ENTREP2: variants seen among roughly 807,000 people sequenced by gnomAD.
ENTREP2 encodes endosomal transmembrane epsin interactor 2, also known as protein ENTREP2.
chr15:29,625,250 G>C, the ENTREP2 span, among the ~76,000 whole-genome samples: 1 of 152,124 alleles, frequency 6.6e-6, no homozygotes. Flanking sequence ...GGATGAACCA[G>C]TTTGTTCAAC....
At chr15:29,591,529 T>A in the ENTREP2 span, among the ~76,000 whole-genome samples, 1 of 152,106 alleles carries the variant, frequency 6.6e-6, no homozygotes, top group Admixed American at 6.6e-5. Context: ...TGAAATAGGA[T>A]CTTTGCAGAT....
At chr15:29,352,127 G>A in the ENTREP2 span, among the ~76,000 whole-genome samples, 1 of 152,100 alleles carries the variant, frequency 6.6e-6, no homozygotes, top group Admixed American at 6.5e-5. Context: ...TAGTGATGTG[G>A]TCTCACTATG....
chr15:29,518,330 CT>C, the ENTREP2 span, among the ~76,000 whole-genome samples: 910 of 152,258 alleles, frequency 6.0e-3, 11 homozygotes, highest in African/African-American at 0.021. Flanking sequence ...TCCTGCATAA[CT>C]GATACTTAGT....
At chr15:29,374,213 T>C in the ENTREP2 span, 5 of 152,306 alleles carry the variant, frequency 3.3e-5, no homozygotes, top group African/African-American at 1.2e-4. Flanking sequence ...GAAATTCAAA[T>C]AGGTAATGGA....
At chr15:29,361,304 A>ATGGGTACT in the ENTREP2 span, among the ~76,000 whole-genome samples, 1 of 152,222 alleles carries the variant, frequency 6.6e-6, no homozygotes, top group South Asian at 2.1e-4. Context: ...CCCTTGTATT[A>ATGGGTACT]TGCTACCCAA....
the ENTREP2 span, among the ~76,000 whole-genome samples, chr15:29,541,973 G>T: frequency 2.0e-5 from 3 of 152,150 alleles, no homozygotes; most frequent in South Asian, 2.1e-4. Flanking sequence ...AAGTGGTAGG[G>T]TTTACTCTAT....
At chr15:29,605,579 G>A in the ENTREP2 span, among the ~76,000 whole-genome samples, 3 of 152,278 alleles carry the variant, frequency 2.0e-5, 1 homozygote, top group Middle Eastern at 6.8e-3. Context: ...GCACATGCCT[G>A]TAATCCCAGC....
At chr15:29,270,518 G>T in the ENTREP2 span, among the ~76,000 whole-genome samples, 1 of 152,230 alleles carries the variant, frequency 6.6e-6, no homozygotes, top group Non-Finnish European at 1.5e-5. Flanking sequence ...AATTTTAGCA[G>T]AAATGGGTAA....
At chr15:29,149,736 T>C in the ENTREP2 span, among the ~76,000 whole-genome samples, 8 of 152,172 alleles carry the variant, frequency 5.3e-5, no homozygotes, top group Non-Finnish European at 1.2e-4. Flanking sequence ...CAGGGAAGTG[T>C]GGATTCACCC....
At chr15:29,483,583 G>A in the ENTREP2 span, among the ~76,000 whole-genome samples, 365 of 152,270 alleles carry the variant, frequency 2.4e-3, 1 homozygote, top group African/African-American at 8.2e-3. Context: ...CCCTTGAATT[G>A]TTTTTGTTCC....
chr15:29,672,148 G>T, the ENTREP2 span, among the ~76,000 whole-genome samples: 1 of 152,028 alleles, frequency 6.6e-6, no homozygotes, highest in African/African-American at 2.4e-5. Context: ...CACCATACCC[G>T]GCTAATTTTT....
the ENTREP2 span, among the ~76,000 whole-genome samples, chr15:29,174,426 C>A: frequency 1.3e-5 from 2 of 152,182 alleles, no homozygotes; most frequent in Non-Finnish European, 2.9e-5. Context: ...CGGTGGCTCA[C>A]GCCTGTAATC....
At chr15:29,507,047 A>G in the ENTREP2 span, among the ~76,000 whole-genome samples, 4 of 152,096 alleles carry the variant, frequency 2.6e-5, no homozygotes, top group Admixed American at 6.6e-5. Context: ...CTCAAAATAA[A>G]GGGACGGAGG....
chr15:29,262,079 A>AG, the ENTREP2 span, among the ~76,000 whole-genome samples: 3,256 of 116,308 alleles, frequency 0.028, 148 homozygotes, highest in African/African-American at 0.096. Context: ...AAATGGCTCC[A>AG]GAAAAAAAAA....
At chr15:29,577,313 G>GGTGTGT in the ENTREP2 span, among the ~76,000 whole-genome samples, 17,424 of 139,708 alleles carry the variant, frequency 0.12, 1,186 homozygotes, top group Non-Finnish European at 0.16. Context: ...GACTCAAAGA[G>GGTGTGT]GTGTGTGTGT....
At chr15:29,483,892 C>T in the ENTREP2 span, among the ~76,000 whole-genome samples, 3 of 152,074 alleles carry the variant, frequency 2.0e-5, no homozygotes, top group African/African-American at 7.2e-5. Flanking sequence ...TGGAAACTGC[C>T]TATCTGGCTA....
the ENTREP2 span, among the ~76,000 whole-genome samples, chr15:29,310,612 C>T: frequency 6.6e-6 from 1 of 152,234 alleles, no homozygotes; most frequent in African/African-American, 2.4e-5. Flanking sequence ...TGAAGGCTGT[C>T]GGGGCAGGGA....
chr15:29,200,707 C>T, the ENTREP2 span, among the ~76,000 whole-genome samples: 6 of 151,872 alleles, frequency 4.0e-5, no homozygotes, highest in Non-Finnish European at 5.9e-5. Context: ...TACAGGTGCC[C>T]GCCACCAGGC....
the ENTREP2 span, among the ~76,000 whole-genome samples, chr15:29,673,086 C>T: frequency 3.7e-4 from 56 of 152,196 alleles, no homozygotes; most frequent in Middle Eastern, 6.8e-3. Flanking sequence ...CTGGACGTTG[C>T]CATGGCATTT....
Sources: allele counts gnomAD v4.1 joint callset (sites outside exome capture counted in the v4.1 genomes callset), GRCh38; gene constraint gnomAD v4.1.1; transcripts MANE v1.5; gene names NCBI Gene and HGNC (gene_info 2026-07-23, HGNC 2026-07-21).